Variants in COG2 observed in about 807,000 individuals in gnomAD.
COG2 encodes the protein conserved oligomeric Golgi complex subunit 2.
In COG2, 52 loss-of-function variants were observed where a neutral mutation model predicts 90.6. The observed-to-expected ratio is 0.57, with a 90% CI of 0.46 to 0.72. The LOEUF is 0.72. COG2 is among the 30% of genes least tolerant of loss of function. The pLI is 0.00. For synonymous variants in COG2, 337 were observed against 320.4 expected (o/e 1.05, Z -0.55); for missense variants, 829 against 891.2 (o/e 0.93, Z 0.89).
chr1:230,669,309 CTG>C, intron 6 of COG2, 45 bp from the exon 7 acceptor site: 2 of 1,544,440 alleles, frequency 1.3e-6, no homozygotes, highest in Non-Finnish European at 1.8e-6. Context: ...GTTTCAGAAA[CTG>C]TTACAACTAG....
At position 230,675,139 on chromosome 1, in the gene COG2, G is replaced by C. The variant is rs377096092; in HGVS notation, c.1026+15G>C. On this transcript the variant is annotated intron_variant, in intron 9 of 17. Coordinates refer to ENST00000366669, the MANE Select transcript of COG2 (RefSeq NM_007357.3). ...CATTTCATGAGGTATCTCCCCGCCC[G>C]TCGTCTTGATTCTTGAAGATGTTAA... 6.2e-7 allele frequency: 1 copy of C among 1,601,256 alleles called. No homozygotes were observed.
chr1:230,685,919 A>G (rs545831710), intron 12 of COG2, among the ~76,000 whole-genome samples: 1 of 152,312 alleles, frequency 6.6e-6, no homozygotes, highest in Non-Finnish European at 1.5e-5. Context: ...GGAGTATGCA[A>G]AGGAGATGTG....
intron 9 of COG2, among the ~76,000 whole-genome samples, chr1:230,677,314 G>A (rs1662623287): frequency 6.6e-6 from 1 of 151,976 alleles, no homozygotes; most frequent in Non-Finnish European, 1.5e-5. Flanking sequence ...AGCCTCCCTG[G>A]CGAATTTGTT....
chr1:230,660,719 A>C lies in COG2; in HGVS notation c.235-39A>C, dbSNP rs767308081. The C allele has an allele frequency of 2.1e-6, 3 of 1,463,078 alleles. No individual in the cohort carries two copies. In the East Asian group the frequency reaches 7.3e-5, roughly 35 times the overall value. 90.6% of individuals were successfully genotyped at this position (1,463,078 alleles called of 1,614,324 possible). On this transcript the variant is annotated intron_variant, in intron 2 of 17. Coordinates refer to ENST00000366669, the MANE Select transcript of COG2 (RefSeq NM_007357.3). The stretch of plus-strand genomic sequence containing the variant: ...AATGGATACTTAGCTGTTACTCTTG[A>C]TTGTGAGGTGTGTGTGCCAACATGA...
intron 17 of COG2, among the ~76,000 whole-genome samples, chr1:230,692,471 A>G (rs1049835218): frequency 1.3e-5 from 2 of 152,224 alleles, no homozygotes; most frequent in African/African-American, 4.8e-5. Flanking sequence ...ATGAATTTAG[A>G]GATATATCCC....
At position 230,684,832 on chromosome 1, in the gene COG2, G is replaced by A. The variant is rs2296796; in HGVS notation, c.1229-253G>A. 0.13 allele frequency among the ~76,000 whole-genome samples: 19,116 copies of A among 152,184 alleles called. 1,798 individuals carry two copies. The highest frequency in any genetic ancestry group is 0.47 in the East Asian group (2,442 of 5,154). The stretch of plus-strand genomic sequence containing the variant: ...TAAACGTTATTTCTGAATGCTATAT[G>A]TATTTGATGTTTATCCAAACACCTG... On this transcript the variant is annotated intron_variant, in intron 11 of 17. Coordinates refer to ENST00000366669, the MANE Select transcript of COG2 (RefSeq NM_007357.3).
In COG2 at chr1:230,690,052, T is replaced by A; in HGVS notation, c.1833T>A (p.Ala611=). The change falls in exon 16 of 18, where the codon GCT becomes GCA. Residue 611 remains alanine (A), a synonymous_variant. Coordinates refer to ENST00000366669, the MANE Select transcript of COG2 (RefSeq NM_007357.3). ...PTTASSYVDS[A]LKPLFQLQSG... The stretch of plus-strand genomic sequence containing the variant: ...CAGCTTCCTCCTATGTGGACAGTGC[T>A]CTGAAGCCCTTATTCCAGCTTCAGA... 6.2e-7 allele frequency: 1 copy of A among 1,613,040 alleles called. No individual in the cohort carries two copies.
At chr1:230,685,334 G>A (rs758523473) in intron 12 of COG2, 98 bp downstream of exon 12, 1 of 1,297,514 alleles carries the variant, frequency 7.7e-7, no homozygotes, top group Non-Finnish European at 1.1e-6. Context: ...ACCATGAGAG[G>A]TTAATTCAGA....
In COG2 at chr1:230,685,093, C is replaced by T; in HGVS notation, c.1237C>T (p.Pro413Ser). 1 of 1,613,914 alleles carries T rather than the reference C, an allele frequency of 6.2e-7. No homozygotes were observed. Among genetic ancestry groups the T allele is most frequent in the Non-Finnish European group, 8.5e-7 (1 of 1,179,946 alleles). The change falls in exon 12 of 18, where the codon CCG (proline) becomes TCG (serine). Residue 413 changes from proline (P) to serine (S), a missense_variant. By Grantham distance (74) the Pro-to-Ser change is moderately conservative. Transcript: ENST00000366669. Reference protein sequence around the residue: ...DVLEDAPAESPYCLLASHRTW... With the variant: ...DVLEDAPAESSYCLLASHRTW... Reference sequence around the variant, plus strand: ...TGTTGTTTTTTCTCTAGCTGAAAGTCCGTATTGCCTTTTGGCTTCTCATAG... The same window carrying T: ...TGTTGTTTTTTCTCTAGCTGAAAGTTCGTATTGCCTTTTGGCTTCTCATAG...
At position 230,685,174 on chromosome 1, in the gene COG2, G is replaced by C; in HGVS notation, c.1318G>C (p.Val440Leu). ...WSDEMFLPLL[V>L]HRLWRLTLQI... ...AGATGAGATGTTCTTGCCATTACTG[G>C]TGCATCGCCTGTGGAGACTCACTCT... Residue 440 changes from valine to leucine, a missense_variant, in exon 12 of 18, where the codon GTG becomes CTG. Transcript: ENST00000366669. 1.2e-6 allele frequency: 2 copies of C among 1,614,132 alleles called. No individual in the cohort carries two copies. The highest frequency in any genetic ancestry group is 1.7e-6 in the Non-Finnish European group (2 of 1,180,014).
At chr1:230,665,336 C>T (rs1471096793) in intron 5 of COG2, among the ~76,000 whole-genome samples, 3 of 152,088 alleles carry the variant, frequency 2.0e-5, no homozygotes, top group Non-Finnish European at 4.4e-5. Flanking sequence ...TAGACTAGAC[C>T]CTCATACATG....
chr1:230,678,708 G>A (rs1220987719), intron 9 of COG2: 9 of 1,473,998 alleles, frequency 6.1e-6, no homozygotes, highest in African/African-American at 2.8e-5. Context: ...TGGAAGACAC[G>A]GAAGACATAT....
At chr1:230,681,875 A>G (rs1159397195) in intron 10 of COG2, 1 of 152,242 alleles carries the variant, frequency 6.6e-6, no homozygotes, top group Non-Finnish European at 1.5e-5. Context: ...AGTTGTAATC[A>G]TGTATCACTG....
At chr1:230,650,237 G>A (rs1198774827) in intron 1 of COG2, among the ~76,000 whole-genome samples, 1 of 152,104 alleles carries the variant, frequency 6.6e-6, no homozygotes, top group East Asian at 1.9e-4. Context: ...TCCCTATTAG[G>A]ATTACTAGGT....
rs1662446588 is a variant in COG2 at position 230,671,501 on chromosome 1, TTTTTC to T, written c.775-10_775-6del. ...TTTTAAATGCTTTTTTAAAAAATGA[TTTTTC>T]TTTTAATAGGTGATTATAGAGCAGT... On this transcript the variant is annotated splice_polypyrimidine_tract_variant and intron_variant, in intron 7 of 17. Transcript: ENST00000366669. 1 of 1,594,996 alleles carries T rather than the reference TTTTTC, an allele frequency of 6.3e-7. No homozygotes were observed. Among genetic ancestry groups the T allele is most frequent in the African/African-American group, 1.4e-5 (1 of 73,582 alleles).
intron 3 of COG2, among the ~76,000 whole-genome samples, chr1:230,661,858 C>A (rs569720510): frequency 4.3e-4 from 66 of 152,140 alleles, no homozygotes; most frequent in Non-Finnish European, 8.1e-4. Context: ...TTCTTCTTGG[C>A]ATGGAAGGAA....
chr1:230,671,084 C>CA (rs1230953739), intron 7 of COG2: 1 of 152,014 alleles, frequency 6.6e-6, no homozygotes, highest in Non-Finnish European at 1.5e-5. Flanking sequence ...AATTTTATCA[C>CA]AAAAAATAAA....
rs1662944693 is a variant in COG2 at position 230,688,606 on chromosome 1, G to A, written c.1794+44G>A. The A allele has an allele frequency of 1.9e-6, 3 of 1,607,734 alleles. No homozygotes were observed. The Admixed American group carries it at 5.0e-5, about 27-fold the overall frequency. ...AGAGAATTTTGAGGTGGGGAAGTGT[G>A]TGTTAGGAAAGCCAAAGAGGAAGGA... On this transcript the variant is annotated intron_variant, in intron 15 of 17. Transcript: ENST00000366669.
At chr1:230,648,761 C>A (rs6687027) in intron 1 of COG2, among the ~76,000 whole-genome samples, 15,296 of 152,186 alleles carry the variant, frequency 0.1, 934 homozygotes, top group Non-Finnish European at 0.14. Flanking sequence ...CATTTAACAT[C>A]AAATTTCTTT....
Sources: allele counts gnomAD v4.1 joint callset (sites outside exome capture counted in the v4.1 genomes callset), GRCh38; gene constraint gnomAD v4.1.1; transcripts MANE v1.5; gene names NCBI Gene and HGNC (gene_info 2026-07-23, HGNC 2026-07-21).